COL23A1: variants seen among roughly 807,000 people sequenced by gnomAD.
COL23A1 encodes the protein collagen type XXIII alpha 1 chain, also known as collagen alpha-1(XXIII) chain.
Under a neutral mutation model 99.3 loss-of-function variants are expected in COL23A1, and 97 were observed. The ratio of observed to expected loss-of-function variants is 0.98; its 90% CI spans 0.83 to 1.16. The LOEUF is 1.16. Ranked by LOEUF, COL23A1 falls within the 50% of genes most tolerant of loss-of-function variation. The pLI is 0.00. For synonymous variants in COL23A1, 320 were observed against 308.2 expected (o/e 1.04, Z -0.40); for missense variants, 762 against 757.4 (o/e 1.01, Z -0.07).
Position 178,320,690 on chromosome 5 carries a change from T to C in COL23A1, c.362-13771A>G, listed in dbSNP as rs17081072. 0.15 allele frequency among the ~76,000 whole-genome samples: 22,656 copies of C among 152,182 alleles called. 2,434 individuals carry two copies. The highest frequency in any genetic ancestry group is 0.55 in the East Asian group (2,822 of 5,142). ...TCGCACCCCAGGGGACTTGGGGTGATTCATGACTTCTTTTTGACCCCCAGG... is the reference window on the plus strand; with the variant it reads ...TCGCACCCCAGGGGACTTGGGGTGACTCATGACTTCTTTTTGACCCCCAGG... On this transcript the variant is annotated intron_variant, in intron 2 of 28. Coordinates refer to ENST00000390654, the MANE Select transcript of COL23A1 (RefSeq NM_173465.4).
chr5:178,458,332 C>T (rs1428038568), intron 2 of COL23A1, among the ~76,000 whole-genome samples: 1 of 151,444 alleles, frequency 6.6e-6, no homozygotes, highest in Non-Finnish European at 1.5e-5. Context: ...TAGAAGTATT[C>T]CAGATAATAA....
At chr5:178,275,896 G>C (rs1002844144) in intron 5 of COL23A1, among the ~76,000 whole-genome samples, 3 of 152,038 alleles carry the variant, frequency 2.0e-5, no homozygotes, top group Non-Finnish European at 2.9e-5. Context: ...AAACACCCTG[G>C]CCCAGAACTC....
chr5:178,358,268 G>GTATGTATATGTGTA (rs1761896125), intron 2 of COL23A1, among the ~76,000 whole-genome samples: 1 of 144,578 alleles, frequency 6.9e-6, no homozygotes, highest in Non-Finnish European at 1.5e-5. Context: ...GTATATGTGT[G>GTATGTATATGTGTA]TATATGTGTG....
intron 5 of COL23A1, among the ~76,000 whole-genome samples, chr5:178,273,834 C>G (rs1756432813): frequency 6.6e-6 from 1 of 152,242 alleles, no homozygotes; most frequent in Non-Finnish European, 1.5e-5. Context: ...CGGGAAGGAA[C>G]AGCCTGGCTT....
chr5:178,562,539 A>C (rs1255221775), intron 1 of COL23A1: 1 of 148,512 alleles, frequency 6.7e-6, no homozygotes, highest in Non-Finnish European at 1.5e-5. Flanking sequence ...TGGGCGACAG[A>C]GAGACTCCGT....
At chr5:178,249,716 A>ACTCACTCACTCTCTCTCT (rs1554125190) in intron 18 of COL23A1, among the ~76,000 whole-genome samples, 1 of 92,752 alleles carries the variant, frequency 1.1e-5, no homozygotes, top group Non-Finnish European at 2.2e-5. Context: ...ACACACACAC[A>ACTCACTCACTCTCTCTCT]CTCTCTCTCT....
At chr5:178,536,205 G>A (rs1465670146) in intron 2 of COL23A1, among the ~76,000 whole-genome samples, 3 of 152,250 alleles carry the variant, frequency 2.0e-5, no homozygotes, top group East Asian at 3.9e-4. Context: ...CTGGGGACGC[G>A]GCTCATGCCG....
chr5:178,560,851 A>G (rs1042983648), intron 1 of COL23A1, 103 bp from the exon 2 acceptor site: 1 of 1,108,580 alleles, frequency 9.0e-7, no homozygotes, highest in Middle Eastern at 2.0e-4. Flanking sequence ...TATCTAAACC[A>G]TCTACAGTGC....
At chr5:178,447,700 C>T (rs1489689211) in intron 2 of COL23A1, among the ~76,000 whole-genome samples, 1 of 152,154 alleles carries the variant, frequency 6.6e-6, no homozygotes, top group Non-Finnish European at 1.5e-5. Context: ...ACTCAGAATG[C>T]ATCCCAGTTG....
At chr5:178,354,139 T>C in intron 2 of COL23A1, among the ~76,000 whole-genome samples, 1 of 151,682 alleles carries the variant, frequency 6.6e-6, no homozygotes. Flanking sequence ...ACCATTTGAA[T>C]CTTTTTTTTT....
chr5:178,470,573 G>A (rs891699237), intron 2 of COL23A1, among the ~76,000 whole-genome samples: 4 of 152,176 alleles, frequency 2.6e-5, no homozygotes, highest in African/African-American at 9.7e-5. Context: ...ACAGGCCAGA[G>A]GGTGAGAGAG....
At chr5:178,489,491 A>G (rs776595215) in intron 2 of COL23A1, among the ~76,000 whole-genome samples, 4 of 152,234 alleles carry the variant, frequency 2.6e-5, no homozygotes, top group East Asian at 3.8e-4. Flanking sequence ...ATGTGAGTCA[A>G]TTCTTCCCAA....
At chr5:178,331,486 TGATGCCCTGCATAGC>T (rs1308633212) in intron 2 of COL23A1, among the ~76,000 whole-genome samples, 1 of 152,240 alleles carries the variant, frequency 6.6e-6, no homozygotes, top group Non-Finnish European at 1.5e-5. Flanking sequence ...GAGGCTCATA[TGATGCCCTGCATAGC>T]AGGCACCCGG....
chr5:178,379,881 CAAA>C (rs71587651), intron 2 of COL23A1, among the ~76,000 whole-genome samples: 5 of 109,460 alleles, frequency 4.6e-5, no homozygotes, highest in Non-Finnish European at 4.0e-5. Context: ...AACTCCATCT[CAAA>C]AAAAAAAAAA....
intron 2 of COL23A1, among the ~76,000 whole-genome samples, chr5:178,317,762 G>A (rs1055983461): frequency 6.6e-6 from 1 of 152,200 alleles, no homozygotes; most frequent in Admixed American, 6.5e-5. Flanking sequence ...ACATACCTGA[G>A]AATGGGCAAT....
At chr5:178,454,890 G>A (rs1321127465) in intron 2 of COL23A1, among the ~76,000 whole-genome samples, 2 of 152,250 alleles carry the variant, frequency 1.3e-5, no homozygotes, top group South Asian at 2.1e-4. Flanking sequence ...GCTGGAAGCC[G>A]GAGTCAAGGT....
chr5:178,294,212 G>C (rs1310787210), intron 3 of COL23A1, among the ~76,000 whole-genome samples: 1 of 151,350 alleles, frequency 6.6e-6, no homozygotes, highest in East Asian at 1.9e-4. Flanking sequence ...CTTCCACGTG[G>C]TGATCTGCCT....
At chr5:178,312,772 C>T (rs915487409) in intron 2 of COL23A1, among the ~76,000 whole-genome samples, 2 of 151,828 alleles carry the variant, frequency 1.3e-5, no homozygotes, top group Non-Finnish European at 2.9e-5. Context: ...CAGCCCAACC[C>T]TGATCCTCCC....
chr5:178,491,752 TGA>T (rs1562019987), intron 2 of COL23A1, among the ~76,000 whole-genome samples: 1 of 152,204 alleles, frequency 6.6e-6, no homozygotes, highest in African/African-American at 2.4e-5. Context: ...TTAATTATTT[TGA>T]GAGAGAGTCT....
Sources: gnomAD v4.1 joint callset for allele counts (sites outside exome capture counted in the v4.1 genomes callset) on GRCh38, gnomAD v4.1.1 for gene constraint, MANE v1.5 for transcripts, NCBI Gene and HGNC (gene_info 2026-07-23, HGNC 2026-07-21) for gene names.